SPIDR: variants seen among roughly 807,000 people sequenced by gnomAD.
SPIDR encodes the protein scaffold protein involved in DNA repair, also known as DNA repair-scaffolding protein.
In SPIDR, 93 loss-of-function variants were observed where a neutral mutation model predicts 104.6. The ratio of observed to expected loss-of-function variants is 0.89; its 90% CI spans 0.75 to 1.06. The LOEUF is 1.06. Among genes scored for constraint, SPIDR ranks in the 50% least tolerant of loss-of-function variants. The probability of loss-of-function intolerance (pLI) is 0.00; values close to 1 mark genes in which losing one functional copy is unlikely to be tolerated. For missense variants in SPIDR, 1,154 were observed against 1,111.2 expected (o/e 1.04, Z -0.55); for synonymous variants, 431 against 416.9 (o/e 1.03, Z -0.41).
At chr8:47,448,538 T>C (rs1374371255) in intron 8 of SPIDR, among the ~76,000 whole-genome samples, 1 of 152,104 alleles carries the variant, frequency 6.6e-6, no homozygotes, top group East Asian at 1.9e-4. Context: ...AAACAAGTTA[T>C]AAAAGACCAC....
intron 5 of SPIDR, among the ~76,000 whole-genome samples, chr8:47,307,063 C>T (rs187104261): frequency 2.0e-5 from 3 of 152,058 alleles, no homozygotes; most frequent in Admixed American, 2.0e-4. Context: ...GAGTTTAATC[C>T]ATTTGAATTT....
intron 5 of SPIDR, among the ~76,000 whole-genome samples, chr8:47,337,094 A>G (rs1368098302): frequency 2.0e-5 from 3 of 151,772 alleles, no homozygotes; most frequent in Non-Finnish European, 4.4e-5. Context: ...TTCTTTGCCC[A>G]TTTTTCAATT....
chr8:47,404,489 T>C (rs563450053), intron 6 of SPIDR, among the ~76,000 whole-genome samples: 2 of 152,104 alleles, frequency 1.3e-5, no homozygotes, highest in African/African-American at 2.4e-5. Context: ...ATAAAGAACT[T>C]AAACAAATTT....
intron 5 of SPIDR, among the ~76,000 whole-genome samples, chr8:47,385,743 G>GT (rs2059823799): frequency 6.6e-6 from 1 of 152,174 alleles, no homozygotes; most frequent in Non-Finnish European, 1.5e-5. Context: ...ATTCATGGGA[G>GT]TTTTTTGTAC....
At chr8:47,688,016 A>AGTGT (rs141582845) in intron 11 of SPIDR, among the ~76,000 whole-genome samples, 11,485 of 145,686 alleles carry the variant, frequency 0.079, 484 homozygotes, top group African/African-American at 0.11. Context: ...AAAAAAAAAA[A>AGTGT]GTGTGTGTGT....
At chr8:47,664,828 C>T (rs1425479562) in intron 10 of SPIDR, among the ~76,000 whole-genome samples, 1 of 148,902 alleles carries the variant, frequency 6.7e-6, no homozygotes, top group Non-Finnish European at 1.5e-5. Context: ...CCTGGGAGAT[C>T]GAGGCTGCAG....
At chr8:47,733,509 A>AAC (rs2085625039) in intron 19 of SPIDR, among the ~76,000 whole-genome samples, 2 of 151,086 alleles carry the variant, frequency 1.3e-5, no homozygotes, top group Admixed American at 1.3e-4. Flanking sequence ...TTTACTCCAG[A>AAC]AGACCATAGG....
Position 47,595,881 on chromosome 8 carries a change from G to A in SPIDR, c.1168G>A (p.Ala390Thr), listed in dbSNP as rs763603854. ...TACTTACTTTTGTGAGAAAGTTGTTGCCAAAGAAGATTCAGAAAAAACTTG... is the reference window on the plus strand; with the variant it reads ...TACTTACTTTTGTGAGAAAGTTGTTACCAAAGAAGATTCAGAAAAAACTTG... ...LNTYFCEKVV[A>T]KEDSEKTCEV... Residue 390 changes from alanine to threonine, a missense_variant, in exon 9 of 20, where the codon GCC becomes ACC. Ala to Thr is a moderately conservative substitution (Grantham distance 58). Coordinates refer to ENST00000297423, the MANE Select transcript of SPIDR (RefSeq NM_001080394.4). The A allele has an allele frequency of 2.5e-6, 4 of 1,614,192 alleles. No individual in the cohort carries two copies. The highest frequency in any genetic ancestry group is 3.4e-6 in the Non-Finnish European group (4 of 1,180,018).
intron 8 of SPIDR, among the ~76,000 whole-genome samples, chr8:47,589,392 C>T (rs954606187): frequency 2.6e-5 from 4 of 151,742 alleles, no homozygotes; most frequent in Non-Finnish European, 4.4e-5. Flanking sequence ...CATGGTGGCG[C>T]GCGCCTGTAG....
Position 47,595,904 on chromosome 8 carries a change from T to C in SPIDR, c.1191T>C (p.Thr397=), listed in dbSNP as rs1421526873. 6.2e-7 allele frequency: 1 copy of C among 1,614,212 alleles called. No individual in the cohort carries two copies. Among genetic ancestry groups the C allele is most frequent in the Non-Finnish European group, 8.5e-7 (1 of 1,180,016 alleles). ...KVVAKEDSEK[T]CEVYCPDIPL... is the part of the protein sequence containing the mutation. The stretch of plus-strand genomic sequence containing the variant: ...TTGCCAAAGAAGATTCAGAAAAAAC[T>C]TGTGAAGTGTACTGTCCGGACATAC... The change falls in exon 9 of 20, where the codon ACT becomes ACC. Residue 397 remains threonine (T), a synonymous_variant. Transcript: ENST00000297423.
intron 10 of SPIDR, among the ~76,000 whole-genome samples, chr8:47,671,147 T>C (rs993915883): frequency 2.6e-5 from 4 of 152,148 alleles, no homozygotes; most frequent in African/African-American, 9.7e-5. Context: ...TAGACTCAAG[T>C]GATCCTCTCG....
intron 4 of SPIDR, among the ~76,000 whole-genome samples, chr8:47,291,422 C>G (rs2039883283): frequency 1.3e-5 from 2 of 152,144 alleles, no homozygotes; most frequent in African/African-American, 4.8e-5. Flanking sequence ...ATGGTATAGC[C>G]ACTCTGGAAA....
intron 10 of SPIDR, among the ~76,000 whole-genome samples, chr8:47,611,009 G>T (rs1372866780): frequency 6.6e-6 from 1 of 152,186 alleles, no homozygotes; most frequent in Non-Finnish European, 1.5e-5. Flanking sequence ...TGACTCATCT[G>T]GTTTTGGTAC....
chr8:47,701,885 A>G, intron 13 of SPIDR, 21 bp downstream of exon 13: 5 of 1,614,114 alleles, frequency 3.1e-6, no homozygotes, highest in Non-Finnish European at 3.4e-6. Context: ...TGTTTCTAAC[A>G]GGTTTTTTAG....
chr8:47,343,724 T>A (rs1212106498), intron 5 of SPIDR, among the ~76,000 whole-genome samples: 1 of 152,128 alleles, frequency 6.6e-6, no homozygotes, highest in Non-Finnish European at 1.5e-5. Flanking sequence ...GGGCAGGGAT[T>A]TAAACAGAAC....
At chr8:47,711,078 C>T (rs2081815636) in intron 14 of SPIDR, among the ~76,000 whole-genome samples, 1 of 152,154 alleles carries the variant, frequency 6.6e-6, no homozygotes, top group South Asian at 2.1e-4. Flanking sequence ...TATTAAATAT[C>T]AGTATGGACC....
At chr8:47,270,790 A>G (rs2035150357) in intron 1 of SPIDR, among the ~76,000 whole-genome samples, 2 of 152,072 alleles carry the variant, frequency 1.3e-5, no homozygotes, top group East Asian at 3.9e-4. Flanking sequence ...GTTATCTTCT[A>G]ATTTTCTCAT....
chr8:47,708,522 C>T (rs1294165050), intron 14 of SPIDR, among the ~76,000 whole-genome samples: 1 of 152,124 alleles, frequency 6.6e-6, no homozygotes, highest in Non-Finnish European at 1.5e-5. Context: ...TGCATTGACA[C>T]ATCGTACTCA....
chr8:47,285,831 G>T (rs989948537), intron 3 of SPIDR, among the ~76,000 whole-genome samples: 3 of 152,172 alleles, frequency 2.0e-5, no homozygotes, highest in African/African-American at 2.4e-5. Context: ...ATTTTGGTGG[G>T]GGGGGACACA....
Sources: allele counts gnomAD v4.1 joint callset (sites outside exome capture counted in the v4.1 genomes callset), GRCh38; gene constraint gnomAD v4.1.1; transcripts MANE v1.5; gene names NCBI Gene and HGNC (gene_info 2026-07-23, HGNC 2026-07-21).